N4BP2L2: variants seen among roughly 807,000 people sequenced by gnomAD.
N4BP2L2 encodes NEDD4 binding protein 2 like 2, also known as NEDD4-binding protein 2-like 2.
In N4BP2L2, 50 loss-of-function variants were observed where a neutral mutation model predicts 56.2. That is an observed-to-expected ratio of 0.89 (90% CI 0.71 to 1.13). The LOEUF is 1.13. Ranked by LOEUF, N4BP2L2 falls within the 50% of genes most tolerant of loss-of-function variation. The pLI is 0.00. For synonymous variants in N4BP2L2, 203 were observed against 223.6 expected, an observed-to-expected ratio of 0.91 and a Z score of 0.82; for missense variants, 689 against 693.8, an observed-to-expected ratio of 0.99 and a Z score of 0.08.
At chr13:32,491,519 G>GA (rs1433024049) in intron 6 of N4BP2L2, among the ~76,000 whole-genome samples, 3 of 145,074 alleles carry the variant, frequency 2.1e-5, no homozygotes, top group Non-Finnish European at 3.0e-5. Context: ...AATAAAAACT[G>GA]AAAAAACTAT....
At chr13:32,533,547 G>T (rs2055632400) in intron 2 of N4BP2L2, among the ~76,000 whole-genome samples, 1 of 143,664 alleles carries the variant, frequency 7.0e-6, no homozygotes, top group African/African-American at 2.6e-5. Flanking sequence ...TTTGAGACAG[G>T]GTCTCAATCT....
chr13:32,439,550 G>T (rs1393047694), intron 7 of N4BP2L2, among the ~76,000 whole-genome samples: 1 of 152,060 alleles, frequency 6.6e-6, no homozygotes, highest in Non-Finnish European at 1.5e-5. Flanking sequence ...CCAAAAAAAT[G>T]GCACAAAATA....
At chr13:32,478,619 C>A (rs991909993) in intron 6 of N4BP2L2, 1 of 152,690 alleles carries the variant, frequency 6.5e-6, no homozygotes, top group African/African-American at 2.4e-5. Context: ...GGCTCTACTG[C>A]AAAGGGGCTG....
intron 6 of N4BP2L2, among the ~76,000 whole-genome samples, chr13:32,471,581 C>T (rs929689447): frequency 5.3e-5 from 8 of 152,338 alleles, no homozygotes; most frequent in Admixed American, 2.0e-4. Flanking sequence ...AGGCTCGGCT[C>T]GTCTTGCACC....
At chr13:32,514,815 G>C (rs981090481) in exon 6 of N4BP2L2, 1 of 152,028 alleles carries the variant, frequency 6.6e-6, no homozygotes, top group African/African-American at 2.4e-5. Flanking sequence ...CAATGTTTAG[G>C]AAAACAACTG....
At chr13:32,491,013 A>AAG (rs1397165897) in intron 6 of N4BP2L2, among the ~76,000 whole-genome samples, 2 of 151,772 alleles carry the variant, frequency 1.3e-5, no homozygotes, top group Non-Finnish European at 2.9e-5. Flanking sequence ...AAAAAAAAAA[A>AAG]ATACTTTTTT....
rs534192465 is a variant in N4BP2L2 at position 32,486,434 on chromosome 13, A to G, written c.365+31423T>C. 7.2e-3 allele frequency among the ~76,000 whole-genome samples: 1,085 copies of G among 151,394 alleles called. 13 individuals are homozygous for G. The highest frequency in any genetic ancestry group is 0.025 in the African/African-American group (1,047 of 41,288). Reference sequence around the variant, plus strand: ...CTCACGCCTGTAATCCCAGCACTTTAGGAGGGTGAGGCGGGTGGATCACCT... The same window carrying G: ...CTCACGCCTGTAATCCCAGCACTTTGGGAGGGTGAGGCGGGTGGATCACCT... On this transcript the variant is annotated intron_variant, in intron 6 of 9. Coordinates refer to the N4BP2L2 transcript ENST00000357505.
chr13:32,447,437 T>A (rs2077205686), intron 6 of N4BP2L2, among the ~76,000 whole-genome samples: 1 of 152,140 alleles, frequency 6.6e-6, no homozygotes. Context: ...TGAGAAGGGA[T>A]CACATTCTGG....
At chr13:32,532,495 T>C (rs903925589) in intron 2 of N4BP2L2, among the ~76,000 whole-genome samples, 1 of 152,254 alleles carries the variant, frequency 6.6e-6, no homozygotes, top group South Asian at 2.1e-4. Flanking sequence ...TTACCATGTA[T>C]TGAATATTTT....
chr13:32,451,280 G>GA (rs1193604120), intron 6 of N4BP2L2, among the ~76,000 whole-genome samples: 5 of 150,406 alleles, frequency 3.3e-5, no homozygotes, highest in Admixed American at 6.6e-5. Context: ...TTTAAAAAAA[G>GA]AAAAAAATAT....
rs1343835434 is a variant in N4BP2L2, at chr13:32,436,360, C to A, written c.*21+1G>T. ...AGGTCTCTAGAATAAGTCATACTTA[C>A]AGTTCAAGGAATTTTCATTTTTCAA... On this transcript the variant is annotated splice_donor_variant, in intron 9 of 9. Transcript: ENST00000357505. LOFTEE classifies it low-confidence loss of function (3UTR_SPLICE). The A allele has an allele frequency of 4.9e-6, 6 of 1,221,928 alleles. No individual in the cohort carries two copies. Among genetic ancestry groups the A allele is most frequent in the Non-Finnish European group, 6.8e-6 (6 of 877,610 alleles). 75.7% of individuals were successfully genotyped at this position (1,221,928 alleles called of 1,614,324 possible). A position where few individuals can be genotyped will look rare whatever the true frequency, so the allele number is the denominator to read the frequency against.
chr13:32,456,398 T>C (rs953115384), intron 6 of N4BP2L2, among the ~76,000 whole-genome samples: 1 of 152,150 alleles, frequency 6.6e-6, no homozygotes, highest in Admixed American at 6.5e-5. Context: ...TATAAAAGCA[T>C]AGCCAAAAAT....
chr13:32,510,285 CTT>C (rs1184349087), downstream of N4BP2L2: 2 of 151,962 alleles, frequency 1.3e-5, no homozygotes, highest in East Asian at 1.9e-4. Context: ...AAAAATCCAA[CTT>C]AACATAATTT....
At chr13:32,472,456 CA>C (rs1300510494) in intron 6 of N4BP2L2, among the ~76,000 whole-genome samples, 1 of 152,042 alleles carries the variant, frequency 6.6e-6, no homozygotes, top group African/African-American at 2.4e-5. Flanking sequence ...GCATGAAGAA[CA>C]GTTTCTTTTT....
chr13:32,449,250 G>A (rs2077494279), intron 6 of N4BP2L2, among the ~76,000 whole-genome samples: 1 of 152,160 alleles, frequency 6.6e-6, no homozygotes, highest in Non-Finnish European at 1.5e-5. Flanking sequence ...GCCAATAATA[G>A]TTTTTACTAT....
chr13:32,478,523 T>C (rs1382413499), intron 6 of N4BP2L2: 3 of 155,202 alleles, frequency 1.9e-5, no homozygotes, highest in Admixed American at 6.3e-5. Flanking sequence ...GGGAGAAAAA[T>C]GCTTTTGAAA....
At chr13:32,478,141 G>T in intron 6 of N4BP2L2, 2 of 1,024,656 alleles carry the variant, frequency 2.0e-6, no homozygotes, top group Non-Finnish European at 2.6e-6. Context: ...GCCATGGCCA[G>T]AACATTCAAT....
At chr13:32,445,223 C>T (rs2076873924) in intron 6 of N4BP2L2, among the ~76,000 whole-genome samples, 1 of 152,050 alleles carries the variant, frequency 6.6e-6, no homozygotes, top group African/African-American at 2.4e-5. Flanking sequence ...TGCACTCCAG[C>T]CTGGCCCACA....
exon 6 of N4BP2L2, chr13:32,517,797 C>T: frequency 6.2e-7 from 1 of 1,612,110 alleles, no homozygotes; most frequent in South Asian, 1.1e-5. Context: ...CTGAAAATAG[C>T]TAATTTAATG....
Sources: gnomAD v4.1 joint callset for allele counts (sites outside exome capture counted in the v4.1 genomes callset) on GRCh38, gnomAD v4.1.1 for gene constraint, MANE v1.5 for transcripts, NCBI Gene and HGNC (gene_info 2026-07-23, HGNC 2026-07-21) for gene names.